The following SNX9 variants were observed in gnomAD, a reference collection of about 807,000 sequenced individuals.
The protein encoded by SNX9 is sorting nexin-9.
In SNX9, 44 loss-of-function variants were observed where a neutral mutation model predicts 89.4. The ratio of observed to expected loss-of-function variants is 0.49; its 90% confidence interval spans 0.39 to 0.63. The LOEUF (loss-of-function observed/expected upper bound fraction) is 0.63, where lower values mean the gene tolerates loss of function less well. Ranked by LOEUF, SNX9 falls within the 30% of genes least tolerant of loss-of-function variation. The pLI, the probability that SNX9 is intolerant of heterozygous loss-of-function variation, is 0.00. For synonymous variants in SNX9, 236 were observed against 247.8 expected (o/e 0.95, Z 0.45); for missense variants, 578 against 736.1 (o/e 0.79, Z 2.49).
chr6:157,915,623 T>TAAAAAAA (rs1172699831), intron 9 of SNX9, among the ~76,000 whole-genome samples: 138 of 71,086 alleles, frequency 1.9e-3, no homozygotes, highest in Non-Finnish European at 2.5e-3. Context: ...CCATCTCTAC[T>TAAAAAAA]AAAAAAAAAA....
intron 1 of SNX9, among the ~76,000 whole-genome samples, chr6:157,826,404 G>T (rs1781345043): frequency 6.6e-6 from 1 of 151,438 alleles, no homozygotes; most frequent in South Asian, 2.1e-4. Flanking sequence ...GGAGGCTGAG[G>T]CAGGAGAATA....
At chr6:157,907,343 G>A (rs181832109) in intron 7 of SNX9, among the ~76,000 whole-genome samples, 2 of 152,108 alleles carry the variant, frequency 1.3e-5, no homozygotes, top group African/African-American at 4.8e-5. Context: ...GTGCAGTGGT[G>A]TGATCTTGGC....
At chr6:157,876,129 T>C (rs1782514737) in intron 4 of SNX9, among the ~76,000 whole-genome samples, 1 of 151,748 alleles carries the variant, frequency 6.6e-6, no homozygotes. Flanking sequence ...GATAATCATA[T>C]CACTTACAAG....
At chr6:157,848,289 C>G (rs1419074387) in intron 1 of SNX9, among the ~76,000 whole-genome samples, 1 of 152,086 alleles carries the variant, frequency 6.6e-6, no homozygotes, top group Non-Finnish European at 1.5e-5. Flanking sequence ...ATTGGCTTTA[C>G]CCACCCAGAG....
At chr6:157,845,425 T>G (rs555480732) in intron 1 of SNX9, among the ~76,000 whole-genome samples, 5 of 152,336 alleles carry the variant, frequency 3.3e-5, no homozygotes, top group African/African-American at 9.6e-5. Flanking sequence ...TTGTCTTAAC[T>G]GTTGTCTCAC....
At chr6:157,852,368 T>C (rs906261157) in intron 1 of SNX9, among the ~76,000 whole-genome samples, 1 of 152,176 alleles carries the variant, frequency 6.6e-6, no homozygotes. Context: ...AAAAGCTGCT[T>C]TGCATTAGGC....
chr6:157,902,484 A>G lies in SNX9; in HGVS notation c.620+439A>G, dbSNP rs1263859739. Among the ~76,000 whole-genome samples the G allele has an allele frequency of 2.6e-5, 4 of 151,914 alleles. No individual in the cohort carries two copies. The East Asian group carries it at 7.7e-4, about 29-fold the overall frequency. On this transcript the variant is annotated intron_variant, in intron 6 of 17. Transcript: ENST00000392185. ...TAGCCCTCATATCCCTTTGTGGTACATAAAACCCCTGTTTTACTGCAGGCA... is the reference window on the plus strand; with the variant it reads ...TAGCCCTCATATCCCTTTGTGGTACGTAAAACCCCTGTTTTACTGCAGGCA...
At chr6:157,843,472 A>G (rs1018660888) in intron 1 of SNX9, among the ~76,000 whole-genome samples, 4 of 152,198 alleles carry the variant, frequency 2.6e-5, no homozygotes, top group African/African-American at 4.8e-5. Flanking sequence ...AAGAGAAAAT[A>G]TATTTACTAC....
chr6:157,872,392 A>T (rs765695032), intron 2 of SNX9, among the ~76,000 whole-genome samples: 5 of 152,158 alleles, frequency 3.3e-5, no homozygotes, highest in Admixed American at 3.3e-4. Context: ...CTGCATAACA[A>T]TCCTAAAACT....
intron 10 of SNX9, among the ~76,000 whole-genome samples, chr6:157,923,090 A>G (rs1461489662): frequency 1.5e-4 from 23 of 152,204 alleles, no homozygotes; most frequent in Admixed American, 1.4e-3. Context: ...TGCCACCTTC[A>G]AAGAGGGATC....
At chr6:157,903,469 C>T (rs1429165182) in intron 6 of SNX9, among the ~76,000 whole-genome samples, 1 of 152,158 alleles carries the variant, frequency 6.6e-6, no homozygotes, top group Non-Finnish European at 1.5e-5. Context: ...GTGAATAATT[C>T]TCTGTCTTGT....
intron 1 of SNX9, among the ~76,000 whole-genome samples, chr6:157,859,705 G>A (rs774036716): frequency 7.2e-5 from 11 of 152,132 alleles, no homozygotes; most frequent in South Asian, 2.1e-4. Context: ...GAGATTGAGC[G>A]TTTTGTCATG....
rs1460533017 is a variant in SNX9 at position 157,944,172 on chromosome 6, T to C, written c.*1334T>C. On this transcript the variant is annotated 3_prime_UTR_variant, in exon 18 of 18. Transcript: ENST00000392185. ...AGCGCTCCCGTCTCCCACAGGTGCCTTACCGCGTTCCCTCCCGCTGCTTTC... is the reference window on the plus strand; with the variant it reads ...AGCGCTCCCGTCTCCCACAGGTGCCCTACCGCGTTCCCTCCCGCTGCTTTC... The C allele has an allele frequency of 6.6e-6, 1 of 152,290 alleles. No individual in the cohort carries two copies. Among genetic ancestry groups the C allele is most frequent in the Non-Finnish European group, 1.5e-5 (1 of 68,030 alleles). 9.4% of individuals were successfully genotyped at this position (152,290 alleles called of 1,614,324 possible).
chr6:157,833,470 T>C (rs1781513217), intron 1 of SNX9, among the ~76,000 whole-genome samples: 1 of 152,174 alleles, frequency 6.6e-6, no homozygotes, highest in Admixed American at 6.5e-5. Context: ...CAAATATTAT[T>C]TTGTAATTTT....
At chr6:157,843,791 AAG>A (rs1235610098) in intron 1 of SNX9, among the ~76,000 whole-genome samples, 1 of 152,160 alleles carries the variant, frequency 6.6e-6, no homozygotes, top group Non-Finnish European at 1.5e-5. Context: ...TTTCTTTTAG[AAG>A]AGCTTAAATA....
At chr6:157,861,687 G>A (rs1215817276) in intron 1 of SNX9, among the ~76,000 whole-genome samples, 1 of 152,180 alleles carries the variant, frequency 6.6e-6, no homozygotes, top group Non-Finnish European at 1.5e-5. Context: ...TATGTTCCGA[G>A]ACCTCCAGGG....
chr6:157,856,844 G>C (rs1007728363), intron 1 of SNX9, among the ~76,000 whole-genome samples: 10 of 151,770 alleles, frequency 6.6e-5, no homozygotes, highest in African/African-American at 2.2e-4. Flanking sequence ...TCATAAGCAG[G>C]ATTGTATTCC....
chr6:157,898,105 C>T (rs1309588828), intron 5 of SNX9, among the ~76,000 whole-genome samples: 1 of 152,184 alleles, frequency 6.6e-6, no homozygotes, highest in Non-Finnish European at 1.5e-5. Context: ...AGCTCTGTGC[C>T]GGGAACTAGG....
At chr6:157,873,646 AT>A (rs1330990424) in intron 3 of SNX9, among the ~76,000 whole-genome samples, 1 of 149,004 alleles carries the variant, frequency 6.7e-6, no homozygotes, top group African/African-American at 2.4e-5. Context: ...ATAGATATAT[AT>A]TTATAATATG....
Sources: allele counts gnomAD v4.1 joint callset (sites outside exome capture counted in the v4.1 genomes callset), GRCh38; gene constraint gnomAD v4.1.1; transcripts MANE v1.5; gene names NCBI Gene and HGNC (gene_info 2026-07-23, HGNC 2026-07-21).